The following HMMR variants were observed in gnomAD, a reference collection of about 807,000 sequenced individuals.
HMMR encodes intracellular hyaluronic acid-binding protein.
Under a neutral mutation model 101.0 loss-of-function variants are expected in HMMR, and 108 were observed. The ratio of observed to expected loss-of-function variants is 1.07; its 90% CI spans 0.92 to 1.25. HMMR has a LOEUF of 1.25. Ranked by LOEUF, HMMR falls within the 50% of genes most tolerant of loss-of-function variation. HMMR has a pLI of 0.00. For synonymous variants in HMMR, 296 were observed against 276.4 expected (o/e 1.07, Z -0.70); for missense variants, 813 against 788.7 (o/e 1.03, Z -0.37).
intron 12 of HMMR, among the ~76,000 whole-genome samples, chr5:163,479,528 AGCC>A (rs1423939460): frequency 6.6e-5 from 10 of 152,034 alleles, no homozygotes; most frequent in African/African-American, 2.2e-4. Flanking sequence ...ATTAAGAATT[AGCC>A]AGGCATTGTG....
chr5:163,474,034 T>G, intron 9 of HMMR, 23 bp from the exon 10 acceptor site: 1 of 1,593,916 alleles, frequency 6.3e-7, no homozygotes, highest in African/African-American at 1.3e-5. Context: ...ATTCCAGTAT[T>G]CTTGATGTTT....
chr5:163,486,283 A>G (rs1759473941), intron 16 of HMMR, among the ~76,000 whole-genome samples: 1 of 152,182 alleles, frequency 6.6e-6, no homozygotes, highest in African/African-American at 2.4e-5. Context: ...TATTTTTCCA[A>G]TTATTTAGAT....
rs1758998580 is a variant in HMMR at position 163,474,245 on chromosome 5, G to C, written c.1053+40G>C. Reference sequence around the variant, plus strand: ...TATTTTTTTAAACTGTTCATTTTGTGTCATACATTTCCCTATGTCTCTGAA... The same window carrying C: ...TATTTTTTTAAACTGTTCATTTTGTCTCATACATTTCCCTATGTCTCTGAA... On this transcript the variant is annotated intron_variant, in intron 10 of 17. Transcript: ENST00000393915. 14 of 1,500,592 alleles carry C rather than the reference G, an allele frequency of 9.3e-6. No homozygotes were observed. In the East Asian group the frequency reaches 3.2e-4, roughly 34 times the overall value. 93.0% of individuals were successfully genotyped at this position (1,500,592 alleles called of 1,614,324 possible). A position where few individuals can be genotyped will look rare whatever the true frequency, so the allele number is the denominator to read the frequency against.
At chr5:163,469,493 T>C in intron 4 of HMMR, 148 bp from the exon 5 acceptor site, 1 of 635,866 alleles carries the variant, frequency 1.6e-6, no homozygotes, top group Non-Finnish European at 2.7e-6. Context: ...AATATGATTA[T>C]TCAAATAGCT....
intron 6 of HMMR, 31 bp downstream of exon 6, chr5:163,471,302 T>G (rs1348463954): frequency 1.2e-5 from 19 of 1,606,018 alleles, no homozygotes; most frequent in Non-Finnish European, 1.5e-5. Context: ...GTTTGCTGTG[T>G]CTGGATCTGG....
intron 5 of HMMR, among the ~76,000 whole-genome samples, chr5:163,470,423 A>C (rs1758848502): frequency 1.3e-5 from 2 of 152,108 alleles, no homozygotes; most frequent in Admixed American, 1.3e-4. Context: ...GGATTTTGAG[A>C]CTAGCCTAGC....
At chr5:163,473,978 G>T in intron 9 of HMMR, 79 bp from the exon 10 acceptor site, 1 of 1,131,676 alleles carries the variant, frequency 8.8e-7, no homozygotes, top group Non-Finnish European at 1.3e-6. Flanking sequence ...CAGTGTAATG[G>T]AATATTATGG....
chr5:163,468,550 G>A lies in HMMR; in HGVS notation c.273+802G>A, dbSNP rs188251455. ...TATTAAAATCTTTCATTTGATTACAGTCGAATGTTGGCTTTCAACCAAGAG... is the reference window on the plus strand; with the variant it reads ...TATTAAAATCTTTCATTTGATTACAATCGAATGTTGGCTTTCAACCAAGAG... On this transcript the variant is annotated intron_variant, in intron 4 of 17. Transcript: ENST00000393915. 2.0e-5 allele frequency among the ~76,000 whole-genome samples: 3 copies of A among 152,208 alleles called. No homozygotes were observed. The East Asian group carries it at 5.8e-4, about 29-fold the overall frequency.
Position 163,474,047 on chromosome 5 carries a change from C to A in HMMR, c.905-10C>A. The A allele has an allele frequency of 1.2e-6, 2 of 1,600,546 alleles. No individual in the cohort carries two copies. ...TAATTCCAGTATTCTTGATGTTTTGCGTTTTCTAGAAGACCATGTCAACAG... is the reference window on the plus strand; with the variant it reads ...TAATTCCAGTATTCTTGATGTTTTGAGTTTTCTAGAAGACCATGTCAACAG... On this transcript the variant is annotated splice_polypyrimidine_tract_variant and intron_variant, in intron 9 of 17. Transcript: ENST00000393915.
intron 10 of HMMR, among the ~76,000 whole-genome samples, chr5:163,475,066 C>T (rs1759025809): frequency 1.3e-5 from 2 of 151,888 alleles, no homozygotes; most frequent in Admixed American, 6.6e-5. Context: ...AATTATTTCA[C>T]AATGGTGATG....
chr5:163,490,344 A>G, intron 16 of HMMR, 46 bp from the exon 17 acceptor site: 4 of 1,285,230 alleles, frequency 3.1e-6, no homozygotes, highest in Non-Finnish European at 4.4e-6. Context: ...TTTCACTGAC[A>G]TACTCTTTAA....
At position 163,460,672 on chromosome 5, in the gene HMMR, T is replaced by C. The variant is rs770226748; in HGVS notation, c.-21T>C. On this transcript the variant is annotated 5_prime_UTR_variant, in exon 1 of 18. Transcript: ENST00000393915. ...GTCGAGGAGTGCCAGTCACCTTCAG[T>C]TTCTGGAGCTGGCCGTCAACATGTC... 6.3e-7 allele frequency: 1 copy of C among 1,599,110 alleles called. No homozygotes were observed. Among genetic ancestry groups the C allele is most frequent in the South Asian group, 1.1e-5 (1 of 88,726 alleles).
At position 163,475,624 on chromosome 5, in the gene HMMR, C is replaced by T. The variant is rs1396973603; in HGVS notation, c.1220C>T (p.Ala407Val). The T allele has an allele frequency of 6.2e-7, 1 of 1,612,292 alleles. No individual in the cohort carries two copies. Among genetic ancestry groups the T allele is most frequent in the Non-Finnish European group, 8.5e-7 (1 of 1,178,832 alleles). Residue 407 changes from alanine (A) to valine (V), a missense_variant, in exon 11 of 18, where the codon GCA becomes GTA. Transcript: ENST00000393915. ...CTGGTCAAGCAATTGGAAGAGGAAG[C>T]AAAATCTAGAGCTGAAGAATTAAAA... ...ERLVKQLEEE[A>V]KSRAEELKLL...
intron 1 of HMMR, among the ~76,000 whole-genome samples, chr5:163,461,417 C>T (rs1322574774): frequency 6.6e-6 from 1 of 152,144 alleles, no homozygotes; most frequent in East Asian, 1.9e-4. Flanking sequence ...TGAACCCAGC[C>T]CCCATCGTGT....
At chr5:163,474,318 A>C in intron 10 of HMMR, 113 bp downstream of exon 10, 1 of 774,850 alleles carries the variant, frequency 1.3e-6, no homozygotes, top group East Asian at 2.7e-5. Context: ...CTATCTTTAG[A>C]GTCTTATCCT....
rs138790016 is a variant in HMMR, at chr5:163,465,617, G to A, written c.225+815G>A. Among the ~76,000 whole-genome samples, 1,465 of 152,224 alleles carry A rather than the reference G, an allele frequency of 9.6e-3. 12 individuals are homozygous for A. The highest frequency in any genetic ancestry group is 0.015 in the Non-Finnish European group (990 of 68,016). ...CCCACTTTGGCCTCCCAAAGTGCTG[G>A]GATTACAGGTGTTGTCCACCACACC... On this transcript the variant is annotated intron_variant, in intron 3 of 17. Coordinates refer to ENST00000393915, the MANE Select transcript of HMMR (RefSeq NM_001142556.2).
At chr5:163,487,054 A>G (rs947288500) in intron 16 of HMMR, among the ~76,000 whole-genome samples, 1 of 152,234 alleles carries the variant, frequency 6.6e-6, no homozygotes, top group South Asian at 2.1e-4. Flanking sequence ...ACAACAGCGA[A>G]ACAATCTAAA....
At chr5:163,467,657 G>C (rs372361681) in intron 3 of HMMR, 44 bp from the exon 4 acceptor site, 1 of 1,117,490 alleles carries the variant, frequency 8.9e-7, no homozygotes, top group Non-Finnish European at 1.4e-6. Flanking sequence ...TGTCATATCT[G>C]TGACATCTAA....
Position 163,471,520 on chromosome 5 carries a change from C to A in HMMR, c.650+57C>A. ...AGTGGAAGCAATTCTTGATTTGAGT[C>A]TCTTCACAAATTATTGTTTACTGAG... On this transcript the variant is annotated intron_variant, in intron 7 of 17. Transcript: ENST00000393915. 3 of 1,151,362 alleles carry A rather than the reference C, an allele frequency of 2.6e-6. No homozygotes were observed. The South Asian group carries it at 3.9e-5, about 15-fold the overall frequency. 71.3% of individuals were successfully genotyped at this position (1,151,362 alleles called of 1,614,324 possible).
Sources: gnomAD v4.1 joint callset for allele counts (sites outside exome capture counted in the v4.1 genomes callset) on GRCh38, gnomAD v4.1.1 for gene constraint, MANE v1.5 for transcripts, NCBI Gene and HGNC (gene_info 2026-07-23, HGNC 2026-07-21) for gene names.